The following FUT8 variants were observed in gnomAD, a reference collection of about 807,000 sequenced individuals.
FUT8 encodes the protein fucosyltransferase 8, also known as alpha-(1,6)-fucosyltransferase.
FUT8 carries 29 observed loss-of-function variants against 71.3 expected under a neutral mutation model. That is an observed-to-expected ratio of 0.41 (90% CI 0.30 to 0.55). The LOEUF is 0.55. FUT8 is among the 20% of genes least tolerant of loss of function. The pLI, the probability that FUT8 is intolerant of heterozygous loss-of-function variation, is 0.34. For missense variants in FUT8, 544 were observed against 702.1 expected, an observed-to-expected ratio of 0.77 and a Z score of 2.55; for synonymous variants, 254 against 239.3, an observed-to-expected ratio of 1.06 and a Z score of -0.57.
chr14:65,696,257 C>T (rs533937264), intron 7 of FUT8, among the ~76,000 whole-genome samples: 1 of 152,186 alleles, frequency 6.6e-6, no homozygotes, highest in South Asian at 2.1e-4. Context: ...AACAAATTTC[C>T]TGTTTTGTTT....
At chr14:65,594,168 C>T (rs560084510) in intron 3 of FUT8, among the ~76,000 whole-genome samples, 2 of 152,346 alleles carry the variant, frequency 1.3e-5, no homozygotes, top group East Asian at 1.9e-4. Flanking sequence ...ACTCAGCCTG[C>T]CCCGCTTAAC....
chr14:65,538,358 G>T (rs1291518382), intron 2 of FUT8, among the ~76,000 whole-genome samples: 1 of 152,206 alleles, frequency 6.6e-6, no homozygotes, highest in Non-Finnish European at 1.5e-5. Context: ...GTGTGTGGTA[G>T]CTCCTGAAGG....
In FUT8 at chr14:65,743,387, A is replaced by G. The variant is rs1896597708; in HGVS notation, c.*977A>G. 1.3e-5 allele frequency: 2 copies of G among 151,996 alleles called. No individual in the cohort carries two copies. Among genetic ancestry groups the G allele is most frequent in the Middle Eastern group, 3.4e-3 (1 of 294 alleles). The allele number at this position is 151,996 out of a possible 1,614,324, so 9.4% of individuals were successfully genotyped here. A position where few individuals can be genotyped will look rare whatever the true frequency, so the allele number is the denominator to read the frequency against. ...ACACTGTTTGGGAGCTTTCATTCTC[A>G]TATTTTGGACATTGTTTTAATTGAG... On this transcript the variant is annotated 3_prime_UTR_variant, in exon 11 of 11. Transcript: ENST00000673929.
At chr14:65,606,116 A>G (rs919244440) in intron 3 of FUT8, among the ~76,000 whole-genome samples, 7 of 142,550 alleles carry the variant, frequency 4.9e-5, no homozygotes, top group African/African-American at 1.8e-4. Flanking sequence ...TCTGTCGCCC[A>G]GGCTGGAGTG....
At chr14:65,717,012 AG>A (rs1895113087) in intron 7 of FUT8, among the ~76,000 whole-genome samples, 1 of 145,190 alleles carries the variant, frequency 6.9e-6, no homozygotes, top group Non-Finnish European at 1.5e-5. Context: ...GGCCGGGCAG[AG>A]GCGCTCCACA....
At position 65,467,448 on chromosome 14, in the gene FUT8, C is replaced by T. The variant is rs1236476792; in HGVS notation, c.-228+11730C>T. On this transcript the variant is annotated intron_variant, in intron 2 of 10. Transcript: ENST00000673929. This position sits in a 1 kb window ranked among gnomAD's most constrained non-coding sequence, Gnocchi z 4.1. ...AAGTAGCTGGGACTACAGGTGCGCA[C>T]CACCACACCTGGCTAATTTTTTGTA... Among the ~76,000 whole-genome samples, 2 of 150,858 alleles carry T rather than the reference C, an allele frequency of 1.3e-5. No homozygotes were observed. The highest frequency in any genetic ancestry group is 6.6e-5 in the Admixed American group (1 of 15,126).
At chr14:65,471,740 GTT>G (rs1254192864) in intron 2 of FUT8, among the ~76,000 whole-genome samples, 4 of 144,028 alleles carry the variant, frequency 2.8e-5, no homozygotes, top group Admixed American at 1.4e-4. Context: ...TGGATTATCA[GTT>G]TTTTTTTTTT....
intron 2 of FUT8, among the ~76,000 whole-genome samples, chr14:65,532,521 T>A (rs1348477007): frequency 1.3e-5 from 2 of 152,166 alleles, no homozygotes; most frequent in African/African-American, 4.8e-5. Context: ...CTTATAGATG[T>A]TGGAAATTAG....
the FUT8 span, among the ~76,000 whole-genome samples, chr14:65,371,996 C>T: frequency 6.6e-6 from 1 of 152,238 alleles, no homozygotes; most frequent in Non-Finnish European, 1.5e-5. Flanking sequence ...CATAGTGATA[C>T]CTCCAATTCT....
intron 3 of FUT8, among the ~76,000 whole-genome samples, chr14:65,613,459 A>G (rs1237886607): frequency 6.6e-6 from 1 of 152,198 alleles, no homozygotes; most frequent in African/African-American, 2.4e-5. Context: ...GACATGCCTC[A>G]TTTGTGAATG....
Position 65,638,238 on chromosome 14 carries a change from C to T in FUT8, c.597+8632C>T, listed in dbSNP as rs2140289737. Reference sequence around the variant, plus strand: ...CCTAACCAGCCCCTAACTGCCTCCTCTCTCACTGTGTTGCCCAGGCTGGTC... The same window carrying T: ...CCTAACCAGCCCCTAACTGCCTCCTTTCTCACTGTGTTGCCCAGGCTGGTC... On this transcript the variant is annotated intron_variant, in intron 6 of 10. Coordinates refer to ENST00000673929, the MANE Select transcript of FUT8 (RefSeq NM_001371533.1). The surrounding 1 kb of genome is among the most constrained non-coding windows in gnomAD (Gnocchi z 4.5). Among the ~76,000 whole-genome samples, 1 of 152,238 alleles carries T rather than the reference C, an allele frequency of 6.6e-6. No homozygotes were observed. The highest frequency in any genetic ancestry group is 1.9e-4 in the East Asian group (1 of 5,154).
At chr14:65,600,048 A>T (rs922821083) in intron 3 of FUT8, among the ~76,000 whole-genome samples, 4 of 152,206 alleles carry the variant, frequency 2.6e-5, no homozygotes, top group African/African-American at 9.6e-5. Context: ...ATAGATTTTA[A>T]TAGTAGAGTA....
the FUT8 span, among the ~76,000 whole-genome samples, chr14:65,394,666 C>T: frequency 2.6e-5 from 4 of 152,098 alleles, no homozygotes; most frequent in African/African-American, 9.7e-5. Flanking sequence ...TGGATAACTA[C>T]ACCCATTCCA....
At chr14:65,530,380 A>G (rs1883862306) in intron 2 of FUT8, among the ~76,000 whole-genome samples, 1 of 152,122 alleles carries the variant, frequency 6.6e-6, no homozygotes, top group African/African-American at 2.4e-5. Context: ...TGTCATATAC[A>G]TTGTTTGTCC....
intron 10 of FUT8, among the ~76,000 whole-genome samples, chr14:65,735,658 C>T (rs1424469897): frequency 6.6e-6 from 1 of 152,062 alleles, no homozygotes; most frequent in Non-Finnish European, 1.5e-5. Context: ...AAATACCTTA[C>T]ATTTATATAG....
rs1885234947 is a variant in FUT8, at chr14:65,550,638, TGTAGTTTTC to T, written c.-227-10698_-227-10690del. Among the ~76,000 whole-genome samples, 1 of 152,198 alleles carries T rather than the reference TGTAGTTTTC, an allele frequency of 6.6e-6. No individual in the cohort carries two copies. Among genetic ancestry groups the T allele is most frequent in the Non-Finnish European group, 1.5e-5 (1 of 68,038 alleles). On this transcript the variant is annotated intron_variant, in intron 2 of 10. Transcript: ENST00000673929. The surrounding 1 kb of genome is among the most constrained non-coding windows in gnomAD (Gnocchi z 4.5). ...TGTTCTACAAGTTATACATTTTTAT[TGTAGTTTTC>T]TTTTTTCAACATTTTCATTTTTTCT...
intron 6 of FUT8, among the ~76,000 whole-genome samples, chr14:65,657,810 A>G (rs868334101): frequency 6.6e-6 from 1 of 152,166 alleles, no homozygotes; most frequent in Non-Finnish European, 1.5e-5. Context: ...AAAAATAACT[A>G]AAAGAGTATA....
the FUT8 span, among the ~76,000 whole-genome samples, chr14:65,392,473 T>C: frequency 9.2e-5 from 14 of 151,964 alleles, no homozygotes; most frequent in Non-Finnish European, 1.5e-4. Context: ...TTGACTCTTA[T>C]CTGCTTTAAA....
chr14:65,643,249 T>A lies in FUT8; in HGVS notation c.597+13643T>A, dbSNP rs1885128328. On this transcript the variant is annotated intron_variant, in intron 6 of 10. Coordinates refer to ENST00000673929, the MANE Select transcript of FUT8 (RefSeq NM_001371533.1). This position sits in a 1 kb window ranked among gnomAD's most constrained non-coding sequence, Gnocchi z 4.5. The stretch of plus-strand genomic sequence containing the variant: ...TTTCAGTTTACATATTTTTATATAT[T>A]CAAATTCTCTTAATTATCAATAATA... Among the ~76,000 whole-genome samples the A allele has an allele frequency of 1.3e-5, 2 of 152,198 alleles. No individual in the cohort carries two copies. The highest frequency in any genetic ancestry group is 2.9e-5 in the Non-Finnish European group (2 of 68,038).
Sources: allele counts gnomAD v4.1 joint callset (sites outside exome capture counted in the v4.1 genomes callset), GRCh38; gene constraint gnomAD v4.1.1; non-coding constraint Gnocchi (gnomAD v3.1); transcripts MANE v1.5; gene names NCBI Gene and HGNC (gene_info 2026-07-23, HGNC 2026-07-21).